Variants in SETX observed in about 807,000 individuals in gnomAD.
SETX encodes the protein helicase senataxin.
A neutral mutation model predicts 227.2 loss-of-function variants in SETX; 90 were observed. The observed-to-expected ratio is 0.40, with a 90% CI of 0.33 to 0.47. The LOEUF is 0.47. Among genes scored for constraint, SETX ranks in the 20% least tolerant of loss-of-function variants. The pLI is 0.91. For missense variants in SETX, 3,052 were observed against 3,181.5 expected (o/e 0.96, Z 0.98); for synonymous variants, 1,210 against 1,113.2 (o/e 1.09, Z -1.73).
chr9:132,349,680 A>G (rs1432615818), intron 2 of SETX, among the ~76,000 whole-genome samples: 1 of 152,266 alleles, frequency 6.6e-6, no homozygotes, highest in African/African-American at 2.4e-5. Flanking sequence ...ATAAGGCAAC[A>G]TAAAGTTGTG....
rs1844243577 is a variant in SETX at position 132,290,690 on chromosome 9, TCTGAGAC to T, written c.6107-2046_6107-2040del. ...TAGGCAGATCGCTTGAATCCAGGAG[TCTGAGAC>T]CAGCCTGGGCAACATGATGAAACTC... On this transcript the variant is annotated intron_variant, in intron 15 of 25. Coordinates refer to ENST00000224140, the MANE Select transcript of SETX (RefSeq NM_015046.7). Among the ~76,000 whole-genome samples the T allele has an allele frequency of 2.7e-5, 4 of 149,096 alleles. No homozygotes were observed. The South Asian group carries it at 8.5e-4, about 32-fold the overall frequency.
chr9:132,342,651 G>T, intron 5 of SETX, 39 bp downstream of exon 5: 2 of 1,354,376 alleles, frequency 1.5e-6, no homozygotes, highest in Non-Finnish European at 2.1e-6. Context: ...AGGTACAAAA[G>T]CACAATATAC....
At chr9:132,339,857 C>T (rs533008601) in intron 5 of SETX, among the ~76,000 whole-genome samples, 13 of 152,216 alleles carry the variant, frequency 8.5e-5, no homozygotes, top group Non-Finnish European at 1.5e-4. Context: ...TCAGGTGATC[C>T]GCCCACCTCA....
At position 132,298,151 on chromosome 9, in the gene SETX, T is replaced by C; in HGVS notation, c.5710A>G (p.Arg1904Gly). The C allele has an allele frequency of 6.2e-7, 1 of 1,614,132 alleles. No homozygotes were observed. The highest frequency in any genetic ancestry group is 8.5e-7 in the Non-Finnish European group (1 of 1,179,994). Residue 1904 changes from arginine to glycine, a missense_variant, in exon 13 of 26, where the codon AGA becomes GGA. Coordinates refer to ENST00000224140, the MANE Select transcript of SETX (RefSeq NM_015046.7). ...ATAGGGTTTGGATTCAGAACAGCTC[T>C]AGCCAGTTGGTTCCGACTACCCAAC... ...SLLGSRNQLARAVLNPNPMDF... is the reference protein window; with the variant it reads ...SLLGSRNQLAGAVLNPNPMDF...
rs898867879 is a variant in SETX, at chr9:132,345,573, G to A, written c.388+688C>T. Among the ~76,000 whole-genome samples, 5 of 151,864 alleles carry A rather than the reference G, an allele frequency of 3.3e-5. No homozygotes were observed. In the East Asian group the frequency reaches 5.8e-4, roughly 18 times the overall value. ...ACAGGCGTGAGCCACCATGCCCGGC[G>A]AGAATGAAAATTATTAATAATTGAA... On this transcript the variant is annotated intron_variant, in intron 4 of 25. Coordinates refer to ENST00000224140, the MANE Select transcript of SETX (RefSeq NM_015046.7).
At chr9:132,292,955 C>G (rs1401434248) in intron 15 of SETX, among the ~76,000 whole-genome samples, 1 of 152,110 alleles carries the variant, frequency 6.6e-6, no homozygotes, top group Non-Finnish European at 1.5e-5. Flanking sequence ...TTTTTTAAAG[C>G]CTGTGTAACT....
chr9:132,332,401 G>A (rs1026491778), intron 7 of SETX, among the ~76,000 whole-genome samples: 4 of 152,146 alleles, frequency 2.6e-5, no homozygotes, highest in African/African-American at 9.7e-5. Context: ...CTCTTCTGAG[G>A]CAAGTGCTTG....
At chr9:132,292,013 A>G (rs1844346076) in intron 15 of SETX, among the ~76,000 whole-genome samples, 1 of 152,206 alleles carries the variant, frequency 6.6e-6, no homozygotes, top group South Asian at 2.1e-4. Flanking sequence ...ATTTAATTCC[A>G]TCTATTAATT....
At chr9:132,290,593 A>AAAAT (rs1289995659) in intron 15 of SETX, among the ~76,000 whole-genome samples, 17 of 151,030 alleles carry the variant, frequency 1.1e-4, no homozygotes, top group African/African-American at 3.9e-4. Context: ...AAAAAAAAAA[A>AAAAT]AAAAAAAATT....
Position 132,326,522 on chromosome 9 carries a change from CAAA to C in SETX, c.5073_5075del (p.Leu1692del). The C allele has an allele frequency of 6.2e-7, 1 of 1,614,132 alleles. No individual in the cohort carries two copies. Among genetic ancestry groups the C allele is most frequent in the Non-Finnish European group, 8.5e-7 (1 of 1,180,034 alleles). ...AGGTGTCAGAGACAGACTGTGATGA[CAAA>C]AGAATGTTTACTGGAGAGGAAGATG... On this transcript the variant is annotated inframe_deletion, in exon 10 of 26. Transcript: ENST00000224140.
At chr9:132,353,411 T>C (rs1319856111) in intron 2 of SETX, among the ~76,000 whole-genome samples, 3 of 152,050 alleles carry the variant, frequency 2.0e-5, no homozygotes, top group African/African-American at 7.3e-5. Flanking sequence ...ATGGATAAAA[T>C]TGTTTCCCTT....
In SETX at chr9:132,349,439, C is replaced by A. The variant is rs1848490100; in HGVS notation, c.-7-4G>T. On this transcript the variant is annotated splice_polypyrimidine_tract_variant and splice_region_variant and intron_variant, in intron 2 of 25. Coordinates refer to ENST00000224140, the MANE Select transcript of SETX (RefSeq NM_015046.7). ...ACAACATGTGCTCATTCTGTACCTA[C>A]AGCCAGAAAAGATGACATCAAGAAG... 6.2e-7 allele frequency: 1 copy of A among 1,614,130 alleles called. No individual in the cohort carries two copies. The highest frequency in any genetic ancestry group is 2.2e-5 in the East Asian group (1 of 44,886).
intron 11 of SETX, among the ~76,000 whole-genome samples, chr9:132,302,131 G>A (rs887409529): frequency 1.3e-5 from 2 of 152,148 alleles, no homozygotes; most frequent in Non-Finnish European, 2.9e-5. Flanking sequence ...GCCAAGGCAG[G>A]TGGATCATGA....
chr9:132,335,425 A>G (rs1394952898), intron 6 of SETX, among the ~76,000 whole-genome samples: 3 of 144,000 alleles, frequency 2.1e-5, no homozygotes, highest in Non-Finnish European at 3.0e-5. Context: ...AAGTATTTTG[A>G]GCCACAATAG....
chr9:132,299,536 A>T (rs533645861), intron 12 of SETX, among the ~76,000 whole-genome samples: 12 of 152,374 alleles, frequency 7.9e-5, no homozygotes, highest in African/African-American at 2.9e-4. Context: ...AATGCAGTAC[A>T]ATGTTGACAC....
chr9:132,336,528 TA>T lies in SETX; in HGVS notation c.499-14del. ...CCCAACGCCGAACCTAAATGCAGAA[TA>T]TATTTATTACTTAATTCAATAAACA... On this transcript the variant is annotated splice_polypyrimidine_tract_variant and intron_variant, in intron 5 of 25. Coordinates refer to ENST00000224140, the MANE Select transcript of SETX (RefSeq NM_015046.7). The T allele has an allele frequency of 6.4e-7, 1 of 1,565,276 alleles. No homozygotes were observed. The highest frequency in any genetic ancestry group is 1.1e-5 in the South Asian group (1 of 90,068).
Position 132,262,511 on chromosome 9 carries a change from C to T in SETX, c.*1728G>A, listed in dbSNP as rs1842450162. On this transcript the variant is annotated 3_prime_UTR_variant, in exon 26 of 26. Transcript: ENST00000224140. ...CAGACAGAATGGGACCCATCCCTAC[C>T]CGTCCTGAACTGTCGCACACTGCAT... 6.6e-6 allele frequency: 1 copy of T among 152,352 alleles called. No individual in the cohort carries two copies. The highest frequency in any genetic ancestry group is 2.1e-4 in the South Asian group (1 of 4,830). 9.4% of individuals were successfully genotyped at this position (152,352 alleles called of 1,614,324 possible).
intron 3 of SETX, among the ~76,000 whole-genome samples, chr9:132,348,343 A>G (rs1166986247): frequency 7.1e-6 from 1 of 141,076 alleles, no homozygotes; most frequent in Admixed American, 7.3e-5. Context: ...AGCCTGGACA[A>G]GAGAGTGAGA....
At chr9:132,302,681 C>CAAAAAA (rs57673567) in intron 11 of SETX, among the ~76,000 whole-genome samples, 17 of 78,508 alleles carry the variant, frequency 2.2e-4, no homozygotes, top group South Asian at 3.9e-4. Context: ...AAAAAAAAAG[C>CAAAAAA]AAAAAAAAAA....
Sources: gnomAD v4.1 joint callset for allele counts (sites outside exome capture counted in the v4.1 genomes callset) on GRCh38, gnomAD v4.1.1 for gene constraint, MANE v1.5 for transcripts, NCBI Gene and HGNC (gene_info 2026-07-23, HGNC 2026-07-21) for gene names.